Variants in HACD2 observed in about 807,000 individuals in gnomAD.
HACD2 encodes the protein very-long-chain (3R)-3-hydroxyacyl-CoA dehydratase 2.
In HACD2, 15 loss-of-function variants were observed where a neutral mutation model predicts 31.0. The observed-to-expected ratio is 0.48, with a 90% CI of 0.32 to 0.75. The LOEUF is 0.75. HACD2 is among the 30% of genes least tolerant of loss of function. HACD2 has a pLI of 0.03. For missense variants in HACD2, 283 were observed against 313.0 expected, an observed-to-expected ratio of 0.90 and a Z score of 0.72; for synonymous variants, 115 against 122.2, an observed-to-expected ratio of 0.94 and a Z score of 0.39.
chr3:123,531,734 T>C (rs1371236178), intron 3 of HACD2, among the ~76,000 whole-genome samples: 4 of 152,230 alleles, frequency 2.6e-5, no homozygotes, highest in Non-Finnish European at 5.9e-5. Flanking sequence ...ACTGTTTATA[T>C]TGTTTTTGCT....
intron 6 of HACD2, chr3:123,499,143 A>G (rs977331945): frequency 6.5e-6 from 1 of 154,478 alleles, no homozygotes; most frequent in African/African-American, 2.4e-5. Flanking sequence ...TATTCATTTG[A>G]CTATGGTGAA....
intron 4 of HACD2, among the ~76,000 whole-genome samples, chr3:123,515,328 A>ACC (rs1178473756): frequency 6.6e-6 from 1 of 152,176 alleles, no homozygotes; most frequent in Non-Finnish European, 1.5e-5. Flanking sequence ...CTGTGAGGGC[A>ACC]ACAACTGCAT....
chr3:123,508,756 G>T (rs1559901461), intron 4 of HACD2, among the ~76,000 whole-genome samples: 1 of 152,168 alleles, frequency 6.6e-6, no homozygotes, highest in Non-Finnish European at 1.5e-5. Context: ...GTCTTAGTCT[G>T]CTCAGGCTGC....
At chr3:123,583,288 T>A (rs1292173872) in intron 1 of HACD2, among the ~76,000 whole-genome samples, 1 of 152,212 alleles carries the variant, frequency 6.6e-6, no homozygotes, top group South Asian at 2.1e-4. Context: ...CCATTCTCTA[T>A]GTTCATTGCT....
At chr3:123,584,578 G>A (rs985876375) in intron 1 of HACD2, 1 of 255,966 alleles carries the variant, frequency 3.9e-6, no homozygotes, top group Non-Finnish European at 7.4e-6. Context: ...CGCACCTGTG[G>A]CCAGCCCCAC....
At chr3:123,571,814 T>C (rs920101113) in intron 2 of HACD2, among the ~76,000 whole-genome samples, 11 of 152,224 alleles carry the variant, frequency 7.2e-5, no homozygotes, top group Non-Finnish European at 1.6e-4. Context: ...TGTGGTATTT[T>C]TGTTTTACAG....
Position 123,494,750 on chromosome 3 carries a change from TTTTG to T in HACD2, c.*134_*137del. On this transcript the variant is annotated 3_prime_UTR_variant, in exon 7 of 7. Coordinates refer to ENST00000383657, the MANE Select transcript of HACD2 (RefSeq NM_198402.5). ...ATCTCAGGCCCATGTGACACTGGAT[TTTTG>T]TTTTAGTTTTGTTTGAATATTTTAA... The T allele has an allele frequency of 1.5e-6, 1 of 689,392 alleles. No homozygotes were observed. The highest frequency in any genetic ancestry group is 2.5e-6 in the Non-Finnish European group (1 of 398,202). 42.7% of individuals were successfully genotyped at this position (689,392 alleles called of 1,614,324 possible).
chr3:123,559,989 C>T (rs1474487445), intron 3 of HACD2, among the ~76,000 whole-genome samples: 1 of 152,212 alleles, frequency 6.6e-6, no homozygotes, highest in African/African-American at 2.4e-5. Flanking sequence ...CTCTTCCTTT[C>T]CTTCATCTCA....
At chr3:123,515,335 GCATCTGT>G (rs2056120353) in intron 4 of HACD2, among the ~76,000 whole-genome samples, 1 of 152,178 alleles carries the variant, frequency 6.6e-6, no homozygotes, top group African/African-American at 2.4e-5. Flanking sequence ...GGCAACAACT[GCATCTGT>G]CCTTTTCTCA....
chr3:123,545,311 G>A (rs1289598389), intron 3 of HACD2, among the ~76,000 whole-genome samples: 16 of 150,166 alleles, frequency 1.1e-4, no homozygotes, highest in Admixed American at 9.9e-4. Context: ...GCGAAACCCC[G>A]TCTCTACTAA....
At chr3:123,584,746 C>T in intron 1 of HACD2, 127 bp downstream of exon 1, 2 of 723,382 alleles carry the variant, frequency 2.8e-6, no homozygotes, top group Non-Finnish European at 4.0e-6. Flanking sequence ...GTACCGGGTC[C>T]CGGGCACCCC....
At chr3:123,558,417 A>G (rs913198347) in intron 3 of HACD2, among the ~76,000 whole-genome samples, 2 of 152,346 alleles carry the variant, frequency 1.3e-5, no homozygotes, top group African/African-American at 4.8e-5. Flanking sequence ...TTGGACAAAA[A>G]TGATGTGTCA....
chr3:123,577,179 A>T (rs1385574865), intron 2 of HACD2, among the ~76,000 whole-genome samples: 1 of 152,224 alleles, frequency 6.6e-6, no homozygotes, highest in African/African-American at 2.4e-5. Context: ...TCCCAGATGC[A>T]CAATGGTAGG....
At chr3:123,573,345 C>T (rs1434929257) in intron 2 of HACD2, among the ~76,000 whole-genome samples, 2 of 152,080 alleles carry the variant, frequency 1.3e-5, no homozygotes, top group Non-Finnish European at 2.9e-5. Flanking sequence ...AACACCTTTC[C>T]ACTCTCTTCT....
At chr3:123,558,799 G>A (rs982294913) in intron 3 of HACD2, among the ~76,000 whole-genome samples, 22 of 152,080 alleles carry the variant, frequency 1.4e-4, no homozygotes, top group African/African-American at 5.1e-4. Context: ...TCACTTTTTG[G>A]TTCAACAGGA....
At chr3:123,536,852 A>G (rs1220772067) in intron 3 of HACD2, among the ~76,000 whole-genome samples, 1 of 152,222 alleles carries the variant, frequency 6.6e-6, no homozygotes, top group African/African-American at 2.4e-5. Flanking sequence ...TCAAGAGGTC[A>G]TTTCAATACT....
intron 3 of HACD2, among the ~76,000 whole-genome samples, chr3:123,548,534 T>C (rs2056584700): frequency 6.6e-6 from 1 of 152,186 alleles, no homozygotes; most frequent in African/African-American, 2.4e-5. Context: ...AGCAACTAAG[T>C]TGTAAGATAT....
intron 3 of HACD2, among the ~76,000 whole-genome samples, chr3:123,542,203 CA>C (rs1384608750): frequency 1.8e-5 from 2 of 111,332 alleles, no homozygotes; most frequent in Non-Finnish European, 4.0e-5. Context: ...TTAAAAAAAT[CA>C]AGATGCTAAT....
At chr3:123,510,726 T>C (rs780308037) in intron 4 of HACD2, among the ~76,000 whole-genome samples, 6 of 152,234 alleles carry the variant, frequency 3.9e-5, no homozygotes, top group South Asian at 2.1e-4. Context: ...GCTATGAACA[T>C]TGGTGTATAA....
Sources: gnomAD v4.1 joint callset for allele counts (sites outside exome capture counted in the v4.1 genomes callset) on GRCh38, gnomAD v4.1.1 for gene constraint, MANE v1.5 for transcripts, NCBI Gene and HGNC (gene_info 2026-07-23, HGNC 2026-07-21) for gene names.